Variants in UHRF1 observed in about 807,000 individuals in gnomAD.
UHRF1 encodes the protein E3 ubiquitin-protein ligase UHRF1.
Under a neutral mutation model 96.5 loss-of-function variants are expected in UHRF1, and 9 were observed. The ratio of observed to expected loss-of-function variants is 0.09; its 90% CI spans 0.06 to 0.16. The LOEUF is 0.16. Among genes scored for constraint, UHRF1 ranks in the 10% least tolerant of loss-of-function variants. The pLI, the probability that UHRF1 is intolerant of heterozygous loss-of-function variation, is 1.00. For missense variants in UHRF1, 626 were observed against 1,131.1 expected (o/e 0.55, Z 6.40); for synonymous variants, 455 against 469.9 (o/e 0.97, Z 0.41).
intron 2 of UHRF1, among the ~76,000 whole-genome samples, chr19:4,928,381 G>T (rs2032939441): frequency 6.6e-6 from 1 of 152,022 alleles, no homozygotes; most frequent in Non-Finnish European, 1.5e-5. Flanking sequence ...GTTGGGTGTT[G>T]GTGGAGTGTG....
At chr19:4,948,374 A>C (rs2033628803) in intron 11 of UHRF1, among the ~76,000 whole-genome samples, 1 of 152,326 alleles carries the variant, frequency 6.6e-6, no homozygotes, top group Admixed American at 6.5e-5. Flanking sequence ...AGATTTGATT[A>C]TCTAAACATT....
chr19:4,911,126 TC>T (rs555798225), intron 2 of UHRF1, 88 bp downstream of exon 2: 137 of 1,167,254 alleles, frequency 1.2e-4, no homozygotes, highest in African/African-American at 2.4e-4. Context: ...CCCTCCCACC[TC>T]CCCCCCCAAC....
chr19:4,908,969 C>T (rs1568402947), upstream of UHRF1, among the ~76,000 whole-genome samples: 3 of 152,038 alleles, frequency 2.0e-5, no homozygotes, highest in South Asian at 6.2e-4. Flanking sequence ...GGCGGGAAAA[C>T]GAGGCGGGAA....
chr19:4,932,401 G>A (rs1371501670), intron 4 of UHRF1, among the ~76,000 whole-genome samples: 1 of 152,222 alleles, frequency 6.6e-6, no homozygotes, highest in Non-Finnish European at 1.5e-5. Context: ...AGTCCTGTTG[G>A]ATTGGGGCCC....
intron 13 of UHRF1, among the ~76,000 whole-genome samples, chr19:4,953,554 C>T (rs561661256): frequency 8.5e-5 from 13 of 152,158 alleles, no homozygotes; most frequent in Admixed American, 2.6e-4. Context: ...GCCTCAAACT[C>T]CTGGGCTCAA....
At chr19:4,941,992 G>T (rs576768103) in intron 7 of UHRF1, 61 bp downstream of exon 7, 11 of 1,418,376 alleles carry the variant, frequency 7.8e-6, no homozygotes, top group Non-Finnish European at 9.3e-6. Flanking sequence ...CCCCAGAGGG[G>T]CACTGAGGAG....
intron 13 of UHRF1, 140 bp downstream of exon 13, chr19:4,951,136 G>A: frequency 8.3e-7 from 1 of 1,206,504 alleles, no homozygotes; most frequent in Non-Finnish European, 1.1e-6. Flanking sequence ...TATGGTGGCG[G>A]GTGCCTGTAA....
intron 5 of UHRF1, among the ~76,000 whole-genome samples, chr19:4,934,628 G>C (rs1599270001): frequency 1.3e-5 from 2 of 152,202 alleles, no homozygotes; most frequent in East Asian, 1.9e-4. Flanking sequence ...AGCCTGGTCG[G>C]AATTTCCCTC....
intron 2 of UHRF1, among the ~76,000 whole-genome samples, chr19:4,916,366 G>A (rs745565058): frequency 5.3e-5 from 8 of 151,696 alleles, no homozygotes; most frequent in African/African-American, 9.7e-5. Context: ...GAAGACAAGC[G>A]CGCCCCCTCT....
At chr19:4,944,809 T>C (rs1452383861) in intron 9 of UHRF1, among the ~76,000 whole-genome samples, 1 of 152,182 alleles carries the variant, frequency 6.6e-6, no homozygotes, top group South Asian at 2.1e-4. Context: ...TGCTGGGCGC[T>C]GTCAGCTGTG....
chr19:4,929,140 GTGTT>G, intron 2 of UHRF1, 78 bp from the exon 3 acceptor site: 1 of 1,533,576 alleles, frequency 6.5e-7, no homozygotes, highest in Non-Finnish European at 8.8e-7. Flanking sequence ...CTGGGACACA[GTGTT>G]TGGTTCATCA....
intron 2 of UHRF1, among the ~76,000 whole-genome samples, chr19:4,921,910 A>G (rs2032715583): frequency 6.6e-6 from 1 of 152,230 alleles, no homozygotes; most frequent in African/African-American, 2.4e-5. Flanking sequence ...CTGACCACAT[A>G]CAAGGCAAGT....
At chr19:4,922,083 A>G (rs2656922) in intron 2 of UHRF1, among the ~76,000 whole-genome samples, 30,168 of 152,026 alleles carry the variant, frequency 0.2, 3,188 homozygotes, top group Middle Eastern at 0.29. Context: ...AGTAGCTGGA[A>G]TTACAGGCGT....
chr19:4,942,838 T>C (rs1365633671), intron 7 of UHRF1, among the ~76,000 whole-genome samples: 1 of 151,960 alleles, frequency 6.6e-6, no homozygotes, highest in Non-Finnish European at 1.5e-5. Flanking sequence ...GAGGCCGAGG[T>C]AAGAGGATCG....
Position 4,944,815 on chromosome 19 carries a change from C to CTGTGG in UHRF1, c.1305+366_1305+370dup, listed in dbSNP as rs1342908415. On this transcript the variant is annotated intron_variant, in intron 9 of 16. Coordinates refer to ENST00000650932, the MANE Select transcript of UHRF1 (RefSeq NM_001048201.3). ...TGTTGACAGTGCTGGGCGCTGTCAG[C>CTGTGG]TGTGGGCTGTGTGTCACGGCAGACG... 5.9e-5 allele frequency among the ~76,000 whole-genome samples: 9 copies of CTGTGG among 152,298 alleles called. No individual in the cohort carries two copies. The East Asian group carries it at 1.5e-3, about 26-fold the overall frequency.
intron 2 of UHRF1, among the ~76,000 whole-genome samples, chr19:4,913,014 A>G (rs1447686829): frequency 6.6e-6 from 1 of 152,122 alleles, no homozygotes; most frequent in East Asian, 1.9e-4. Context: ...TTGGCCTCTC[A>G]AAGTTTTGGG....
chr19:4,949,057 C>A (rs1599292779), intron 11 of UHRF1, among the ~76,000 whole-genome samples: 1 of 147,948 alleles, frequency 6.8e-6, no homozygotes, highest in Non-Finnish European at 1.5e-5. Context: ...ATGTCATGAA[C>A]CTGGGAGGCG....
At chr19:4,938,855 A>C (rs113075089) in intron 5 of UHRF1, among the ~76,000 whole-genome samples, 4,310 of 146,064 alleles carry the variant, frequency 0.03, 187 homozygotes, top group African/African-American at 0.099. Context: ...GCAATCCTCC[A>C]ACCTCAGCCT....
At chr19:4,941,506 C>A in intron 5 of UHRF1, 22 bp from the exon 6 acceptor site, 2 of 1,597,958 alleles carry the variant, frequency 1.3e-6, no homozygotes, top group African/African-American at 1.3e-5. Flanking sequence ...CCAGAATGTT[C>A]CAGCGTCCTC....
Sources: gnomAD v4.1 joint callset for allele counts (sites outside exome capture counted in the v4.1 genomes callset) on GRCh38, gnomAD v4.1.1 for gene constraint, MANE v1.5 for transcripts, NCBI Gene and HGNC (gene_info 2026-07-23, HGNC 2026-07-21) for gene names.